PAFAH1B1: variants seen among roughly 807,000 people sequenced by gnomAD.
PAFAH1B1 encodes the protein platelet-activating factor acetylhydrolase IB subunit beta.
In PAFAH1B1, 2 loss-of-function variants were observed where a neutral mutation model predicts 57.5. That is an observed-to-expected ratio of 0.03 (90% CI 0.01 to 0.11). The LOEUF is 0.11. Ranked by LOEUF, PAFAH1B1 falls within the 10% of genes least tolerant of loss-of-function variation. The pLI is 1.00. For synonymous variants in PAFAH1B1, 152 were observed against 169.6 expected (o/e 0.90, Z 0.81); for missense variants, 257 against 512.0 (o/e 0.50, Z 4.81).
intron 2 of PAFAH1B1, chr17:2,640,618 A>T (rs1482718689): frequency 6.6e-6 from 1 of 151,212 alleles, no homozygotes; most frequent in African/African-American, 2.4e-5. Flanking sequence ...CACCCGGCTT[A>T]TTTTTTGTAT....
At chr17:2,667,542 C>T (rs535073342) in intron 5 of PAFAH1B1, 29 of 327,348 alleles carry the variant, frequency 8.9e-5, no homozygotes, top group South Asian at 7.1e-4. Context: ...GTGTCACTAA[C>T]TGAGTTGATG....
At chr17:2,625,797 G>C (rs1310555056) in intron 1 of PAFAH1B1, among the ~76,000 whole-genome samples, 1 of 152,062 alleles carries the variant, frequency 6.6e-6, no homozygotes, top group Non-Finnish European at 1.5e-5. Context: ...AATTAGCTAG[G>C]CATGGTGGCA....
intron 1 of PAFAH1B1, among the ~76,000 whole-genome samples, chr17:2,599,049 C>T (rs1441795587): frequency 4.6e-5 from 7 of 152,140 alleles, no homozygotes; most frequent in Non-Finnish European, 2.9e-5. Flanking sequence ...TTGAAACTTA[C>T]CTAGATAGGA....
At chr17:2,669,129 T>G (rs939202480) in intron 5 of PAFAH1B1, among the ~76,000 whole-genome samples, 1 of 152,228 alleles carries the variant, frequency 6.6e-6, no homozygotes, top group Non-Finnish European at 1.5e-5. Flanking sequence ...TTTAAAAGTT[T>G]ATACTTTTTG....
In PAFAH1B1 at chr17:2,605,156, C is replaced by T. The variant is rs999608216; in HGVS notation, c.-191+11150C>T. The stretch of plus-strand genomic sequence containing the variant: ...ATAATGATTAGTGCTTGAAGCAAGA[C>T]AGTGACATTAAATGTTGTTGAGTGG... On this transcript the variant is annotated intron_variant, in intron 1 of 10. Coordinates refer to ENST00000397195, the MANE Select transcript of PAFAH1B1 (RefSeq NM_000430.4). Among the ~76,000 whole-genome samples the T allele has an allele frequency of 3.3e-5, 5 of 152,146 alleles. No individual in the cohort carries two copies. In the South Asian group the frequency reaches 8.3e-4, roughly 25 times the overall value.
intron 1 of PAFAH1B1, among the ~76,000 whole-genome samples, chr17:2,637,576 C>CA (rs1338131383): frequency 5.9e-5 from 9 of 151,828 alleles, no homozygotes; most frequent in South Asian, 2.1e-4. Flanking sequence ...AACCTGTCTC[C>CA]AAAAAAACAA....
rs1020154224 is a variant in PAFAH1B1 at position 2,603,715 on chromosome 17, G to A, written c.-191+9709G>A. ...AAGGGGGAAAATCTTGATTGACATT[G>A]GGTAATTTGAAATTTTCTCCAGATT... On this transcript the variant is annotated intron_variant, in intron 1 of 10. Coordinates refer to ENST00000397195, the MANE Select transcript of PAFAH1B1 (RefSeq NM_000430.4). 1.1e-4 allele frequency among the ~76,000 whole-genome samples: 17 copies of A among 151,308 alleles called. No individual in the cohort carries two copies. In the South Asian group the frequency reaches 2.1e-3, roughly 18 times the overall value.
chr17:2,685,127 TAAA>T lies in PAFAH1B1; in HGVS notation c.*3329_*3331del, dbSNP rs886052730. Reference sequence around the variant, plus strand: ...AATCTCCTGGTAGAGAAGCGACATGTAAAAAACTGGTGGAAAAAGGTTTTGGAT... The same window carrying T: ...AATCTCCTGGTAGAGAAGCGACATGTAAACTGGTGGAAAAAGGTTTTGGAT... On this transcript the variant is annotated 3_prime_UTR_variant, in exon 11 of 11. Transcript: ENST00000397195. 3.0e-5 allele frequency: 4 copies of T among 134,586 alleles called. No homozygotes were observed. Among genetic ancestry groups the T allele is most frequent in the South Asian group, 2.4e-4 (1 of 4,194 alleles). 8.3% of individuals were successfully genotyped at this position (134,586 alleles called of 1,614,324 possible).
chr17:2,613,641 G>A (rs942287183), intron 1 of PAFAH1B1: 2 of 294,976 alleles, frequency 6.8e-6, no homozygotes, highest in African/African-American at 4.5e-5. Context: ...CTGAAGACCT[G>A]AGTATACTCT....
chr17:2,679,458 TTGGATGGATGGATGGATGATTGGA>T (rs772723992), intron 9 of PAFAH1B1, among the ~76,000 whole-genome samples: 91,750 of 102,260 alleles, frequency 0.9, 42,344 homozygotes, highest in East Asian at 0.94. Context: ...AGATGGATGA[TTGGATGGATGGATGGATGATTGGA>T]TGGATGGATG....
intron 1 of PAFAH1B1, among the ~76,000 whole-genome samples, chr17:2,597,590 T>C (rs1338281679): frequency 6.6e-6 from 1 of 151,736 alleles, no homozygotes; most frequent in East Asian, 1.9e-4. Flanking sequence ...TTTGTATTTT[T>C]AGTAGAGATG....
intron 1 of PAFAH1B1, among the ~76,000 whole-genome samples, chr17:2,610,322 G>C (rs1295294637): frequency 6.6e-6 from 1 of 150,470 alleles, no homozygotes; most frequent in Non-Finnish European, 1.5e-5. Flanking sequence ...AAAAACAAAA[G>C]ATAAAGATAA....
chr17:2,658,491 ATATACT>A (rs2068968148), intron 2 of PAFAH1B1, among the ~76,000 whole-genome samples: 1 of 152,154 alleles, frequency 6.6e-6, no homozygotes. Context: ...GTGCAGTGTG[ATATACT>A]TAACTGGTAG....
At chr17:2,597,051 ACT>A (rs777557793) in intron 1 of PAFAH1B1, among the ~76,000 whole-genome samples, 144 of 152,156 alleles carry the variant, frequency 9.5e-4, no homozygotes, top group Middle Eastern at 3.4e-3. Flanking sequence ...ACAGAGCAAG[ACT>A]CTGTCAAAAA....
At chr17:2,639,779 T>G (rs983428822) in intron 2 of PAFAH1B1, 6 of 152,100 alleles carry the variant, frequency 3.9e-5, no homozygotes, top group Admixed American at 2.6e-4. Flanking sequence ...GTATTTTTAG[T>G]AGAGAAAAGG....
At chr17:2,643,124 G>A (rs1480834536) in intron 2 of PAFAH1B1, among the ~76,000 whole-genome samples, 1 of 152,042 alleles carries the variant, frequency 6.6e-6, no homozygotes, top group Non-Finnish European at 1.5e-5. Context: ...GTCTCATTCT[G>A]TCTTCCAGTC....
chr17:2,650,639 CAAAAAAA>C (rs10582467), intron 2 of PAFAH1B1, among the ~76,000 whole-genome samples: 282 of 108,830 alleles, frequency 2.6e-3, no homozygotes, highest in Middle Eastern at 8.5e-3. Flanking sequence ...GACTCTGTCT[CAAAAAAA>C]AAAAAAAAAA....
At chr17:2,597,983 A>T (rs1424630427) in intron 1 of PAFAH1B1, among the ~76,000 whole-genome samples, 1 of 152,076 alleles carries the variant, frequency 6.6e-6, no homozygotes, top group East Asian at 1.9e-4. Flanking sequence ...ATGGTGGCTC[A>T]CACTTACACT....
At chr17:2,607,285 T>C (rs1344278535) in intron 1 of PAFAH1B1, among the ~76,000 whole-genome samples, 2 of 151,928 alleles carry the variant, frequency 1.3e-5, no homozygotes, top group African/African-American at 4.8e-5. Context: ...GAGATTCCCC[T>C]CCCTCAGCCT....
Sources: allele counts gnomAD v4.1 joint callset (sites outside exome capture counted in the v4.1 genomes callset), GRCh38; gene constraint gnomAD v4.1.1; transcripts MANE v1.5; gene names NCBI Gene and HGNC (gene_info 2026-07-23, HGNC 2026-07-21).